Variants in RNF152 observed in about 807,000 individuals in gnomAD.
The protein encoded by RNF152 is E3 ubiquitin-protein ligase RNF152.
Under a neutral mutation model 12.7 loss-of-function variants are expected in RNF152, and 11 were observed. That is an observed-to-expected ratio of 0.86 (90% confidence interval 0.54 to 1.43). The LOEUF is 1.43. Ranked by LOEUF, RNF152 falls within the 40% of genes most tolerant of loss-of-function variation. The probability of loss-of-function intolerance (pLI) is 0.00; values close to 1 mark genes in which losing one functional copy is unlikely to be tolerated. For missense variants in RNF152, 255 were observed against 274.8 expected, an observed-to-expected ratio of 0.93 and a Z score of 0.51; for synonymous variants, 113 against 120.3, an observed-to-expected ratio of 0.94 and a Z score of 0.40.
At chr18:61,839,025 A>G (rs1012026054) in intron 1 of RNF152, among the ~76,000 whole-genome samples, 4 of 151,064 alleles carry the variant, frequency 2.6e-5, no homozygotes, top group Non-Finnish European at 5.9e-5. Flanking sequence ...TTCAGTAAAC[A>G]TAATGTTCAT....
rs1010817652 is a variant in RNF152 at position 61,812,999 on chromosome 18, T to C, written c.*2853A>G. On this transcript the variant is annotated 3_prime_UTR_variant, in exon 2 of 2. Transcript: ENST00000312828. ...TGCGAAGTTCATATCCCCCCCTTTC[T>C]GCAGAATTACAAAACGGACTCATCT... 6 of 152,210 alleles carry C rather than the reference T, an allele frequency of 3.9e-5. No individual in the cohort carries two copies. The highest frequency in any genetic ancestry group is 1.4e-4 in the African/African-American group (6 of 41,444). 9.4% of individuals were successfully genotyped at this position (152,210 alleles called of 1,614,324 possible).
chr18:61,888,977 C>T (rs758674841), intron 1 of RNF152: 2 of 152,164 alleles, frequency 1.3e-5, no homozygotes, highest in Non-Finnish European at 1.5e-5. Flanking sequence ...TTGGGGCTTC[C>T]CAAATATAGT....
intron 1 of RNF152, among the ~76,000 whole-genome samples, chr18:61,833,730 G>C (rs956425193): frequency 5.9e-5 from 9 of 152,152 alleles, no homozygotes; most frequent in African/African-American, 1.9e-4. Flanking sequence ...CCTGAAGCTG[G>C]ATTATAATAA....
At chr18:61,820,020 C>CA (rs1165545204) in intron 1 of RNF152, among the ~76,000 whole-genome samples, 810 of 64,174 alleles carry the variant, frequency 0.013, 11 homozygotes, top group Admixed American at 0.047. Context: ...GACACTATCT[C>CA]AAAAAAAAAA....
chr18:61,884,612 G>A (rs982790904), intron 1 of RNF152, among the ~76,000 whole-genome samples: 5 of 152,296 alleles, frequency 3.3e-5, no homozygotes, highest in Admixed American at 3.3e-4. Flanking sequence ...AGGCTGGAGT[G>A]CAGTGGCACA....
chr18:61,846,070 C>G (rs1243313830), intron 1 of RNF152, among the ~76,000 whole-genome samples: 4 of 152,074 alleles, frequency 2.6e-5, no homozygotes, highest in African/African-American at 4.8e-5. Context: ...TCACAAGACA[C>G]CAAATCTGCC....
chr18:61,817,791 A>G (rs971019475), intron 1 of RNF152, among the ~76,000 whole-genome samples: 2 of 151,826 alleles, frequency 1.3e-5, no homozygotes, highest in African/African-American at 4.8e-5. Context: ...GGAGGCAGAG[A>G]AACTTAGTTC....
chr18:61,822,453 T>C (rs1040572142), intron 1 of RNF152, among the ~76,000 whole-genome samples: 4 of 152,242 alleles, frequency 2.6e-5, no homozygotes, highest in South Asian at 2.1e-4. Context: ...AAACTATACA[T>C]AATTTTATGC....
intron 1 of RNF152, among the ~76,000 whole-genome samples, chr18:61,865,222 T>C (rs549340177): frequency 2.2e-4 from 33 of 152,300 alleles, no homozygotes; most frequent in African/African-American, 7.9e-4. Flanking sequence ...TACCTACCAA[T>C]AATCATTCTG....
At chr18:61,865,020 CA>C (rs907233549) in intron 1 of RNF152, among the ~76,000 whole-genome samples, 28 of 145,136 alleles carry the variant, frequency 1.9e-4, no homozygotes, top group Non-Finnish European at 2.6e-4. Context: ...AACTCCATCT[CA>C]AAAAAAAAAG....
intron 1 of RNF152, among the ~76,000 whole-genome samples, chr18:61,890,787 A>C (rs1912921866): frequency 6.6e-6 from 1 of 152,248 alleles, no homozygotes; most frequent in South Asian, 2.1e-4. Flanking sequence ...CTCTGAGGGA[A>C]TTAGAAATGA....
At position 61,816,406 on chromosome 18, in the gene RNF152, T is replaced by TTTCAA; in HGVS notation, c.57_58insTTGAA (p.Ser20LeufsTer25). The TTTCAA allele has an allele frequency of 6.2e-7, 1 of 1,613,770 alleles. No individual in the cohort carries two copies. Among genetic ancestry groups the TTTCAA allele is most frequent in the Non-Finnish European group, 8.5e-7 (1 of 1,179,832 alleles). Reference sequence around the variant, plus strand: ...AGCAACTTGGGCCTGCGCCGGGGGCTGTAGTAATTGAAACAGATCTGACAT... The same window carrying TTTCAA: ...AGCAACTTGGGCCTGCGCCGGGGGCTTTCAAGTAGTAATTGAAACAGATCTGACAT... On this transcript the variant is annotated frameshift_variant, in exon 2 of 2. Transcript: ENST00000312828. LOFTEE classifies it high-confidence loss of function.
intron 1 of RNF152, among the ~76,000 whole-genome samples, chr18:61,866,911 A>G (rs544853014): frequency 1.3e-5 from 2 of 152,100 alleles, no homozygotes; most frequent in Admixed American, 1.3e-4. Flanking sequence ...CAAAAAAAAC[A>G]GACTTAGGGG....
rs78038448 is a variant in RNF152, at chr18:61,856,392, C to T, written c.-136+36403G>A. Reference sequence around the variant, plus strand: ...CCTGTTGGGAACTCATCTGCCACAGCGCCTACTTCTTTCATGGCAGCTCTA... The same window carrying T: ...CCTGTTGGGAACTCATCTGCCACAGTGCCTACTTCTTTCATGGCAGCTCTA... On this transcript the variant is annotated intron_variant, in intron 1 of 1. Coordinates refer to ENST00000312828, the MANE Select transcript of RNF152 (RefSeq NM_173557.3). Among the ~76,000 whole-genome samples, 1,080 of 152,284 alleles carry T rather than the reference C, an allele frequency of 7.1e-3. 57 individuals are homozygous for T. In the East Asian group the frequency reaches 0.13, roughly 18 times the overall value.
At chr18:61,863,839 T>G (rs1911607133) in intron 1 of RNF152, among the ~76,000 whole-genome samples, 1 of 151,962 alleles carries the variant, frequency 6.6e-6, no homozygotes, top group Admixed American at 6.6e-5. Flanking sequence ...CAGGGCGGAG[T>G]GGCAGGTGTC....
At chr18:61,817,973 A>G (rs1365329045) in intron 1 of RNF152, among the ~76,000 whole-genome samples, 1 of 152,198 alleles carries the variant, frequency 6.6e-6, no homozygotes, top group African/African-American at 2.4e-5. Flanking sequence ...CTAGTCCTAG[A>G]ACCCCACCAA....
At chr18:61,841,691 T>C (rs1340456568) in intron 1 of RNF152, among the ~76,000 whole-genome samples, 1 of 152,214 alleles carries the variant, frequency 6.6e-6, no homozygotes. Context: ...GAATTGTGCG[T>C]ATAATTTCAT....
At chr18:61,855,762 A>C (rs1911200394) in intron 1 of RNF152, among the ~76,000 whole-genome samples, 1 of 152,134 alleles carries the variant, frequency 6.6e-6, no homozygotes, top group South Asian at 2.1e-4. Flanking sequence ...GCATGAACTG[A>C]GCGCAGCTAG....
At position 61,842,775 on chromosome 18, in the gene RNF152, T is replaced by C. The variant is rs182568903; in HGVS notation, c.-135-26177A>G. 5.3e-5 allele frequency among the ~76,000 whole-genome samples: 8 copies of C among 152,264 alleles called. No individual in the cohort carries two copies. The East Asian group carries it at 1.5e-3, about 29-fold the overall frequency. ...AAGTCACATCTTATGTGGACAGCAG[T>C]AGGCAAAGGGAGAGCTGGTGCAGAG... On this transcript the variant is annotated intron_variant, in intron 1 of 1. Transcript: ENST00000312828.
Sources: gnomAD v4.1 joint callset for allele counts (sites outside exome capture counted in the v4.1 genomes callset) on GRCh38, gnomAD v4.1.1 for gene constraint, MANE v1.5 for transcripts, NCBI Gene and HGNC (gene_info 2026-07-23, HGNC 2026-07-21) for gene names.